ARID1B: variants seen among roughly 807,000 people sequenced by gnomAD.
ARID1B encodes AT-rich interaction domain 1B.
Under a neutral mutation model 212.3 loss-of-function variants are expected in ARID1B, and 30 were observed. That is an observed-to-expected ratio of 0.14 (90% CI 0.11 to 0.19). The LOEUF (loss-of-function observed/expected upper bound fraction) is 0.19, where lower values mean the gene tolerates loss of function less well. ARID1B is among the 10% of genes least tolerant of loss of function. The probability of loss-of-function intolerance (pLI) is 1.00; values close to 1 mark genes in which losing one functional copy is unlikely to be tolerated. For synonymous variants in ARID1B, 1,402 were observed against 1,301.7 expected, an observed-to-expected ratio of 1.08 and a Z score of -1.66; for missense variants, 2,891 against 3,204.0, an observed-to-expected ratio of 0.90 and a Z score of 2.36.
In ARID1B at chr6:157,192,239, T is replaced by C. The variant is rs138182422; in HGVS notation, c.4231+2029T>C. Among the ~76,000 whole-genome samples, 207 of 152,268 alleles carry C rather than the reference T, an allele frequency of 1.4e-3. 2 individuals carry two copies. Among genetic ancestry groups the C allele is most frequent in the African/African-American group, 4.8e-3 (201 of 41,542 alleles). ...TTTTGGTGGCTTTAGACTCTGAAAA[T>C]ATGACAACATGGAAAAAAATAATTA... On this transcript the variant is annotated intron_variant, in intron 15 of 19. Transcript: ENST00000636930.
At chr6:156,779,608 A>G in intron 1 of ARID1B, 137 bp downstream of exon 1, 1 of 931,808 alleles carries the variant, frequency 1.1e-6, no homozygotes, top group Non-Finnish European at 1.3e-6. Flanking sequence ...AGCCATCTTG[A>G]CGGGCGGCCG....
chr6:157,013,826 C>G (rs1779752670), intron 4 of ARID1B, among the ~76,000 whole-genome samples: 1 of 152,158 alleles, frequency 6.6e-6, no homozygotes. Flanking sequence ...AAGCAAGAAT[C>G]AATTAAAGGA....
intron 4 of ARID1B, 164 bp downstream of exon 4, chr6:156,935,740 T>G (rs1582984982): frequency 3.4e-6 from 2 of 582,876 alleles, no homozygotes. Context: ...TTAGGAGCTC[T>G]GTAGTCCTGG....
intron 3 of ARID1B, among the ~76,000 whole-genome samples, chr6:156,911,899 A>G (rs1789920801): frequency 6.6e-6 from 1 of 152,362 alleles, no homozygotes; most frequent in Non-Finnish European, 1.5e-5. Flanking sequence ...AAATGAAAGT[A>G]TAGAAGACCA....
chr6:156,826,707 G>A (rs114214465), intron 1 of ARID1B, among the ~76,000 whole-genome samples: 400 of 152,160 alleles, frequency 2.6e-3, no homozygotes, highest in African/African-American at 9.3e-3. Flanking sequence ...CCTCTGCAGC[G>A]AGACTGTCCT....
intron 8 of ARID1B, among the ~76,000 whole-genome samples, chr6:157,153,671 C>G (rs1790358475): frequency 6.6e-6 from 1 of 152,198 alleles, no homozygotes; most frequent in South Asian, 2.1e-4. Context: ...AAGAGCATAG[C>G]TGTGGATCCC....
chr6:156,918,321 A>G (rs1276375559), intron 3 of ARID1B, among the ~76,000 whole-genome samples: 1 of 152,172 alleles, frequency 6.6e-6, no homozygotes, highest in Non-Finnish European at 1.5e-5. Flanking sequence ...TTATAAGCCA[A>G]TCCTGCAGAT....
At chr6:157,050,311 C>G (rs908909338) in intron 4 of ARID1B, among the ~76,000 whole-genome samples, 1 of 152,046 alleles carries the variant, frequency 6.6e-6, no homozygotes, top group African/African-American at 2.4e-5. Flanking sequence ...TTTGGGAGGC[C>G]GAGGCGGGTG....
chr6:156,889,767 C>T (rs977107955), intron 2 of ARID1B, among the ~76,000 whole-genome samples: 1 of 152,096 alleles, frequency 6.6e-6, no homozygotes, highest in Non-Finnish European at 1.5e-5. Flanking sequence ...GGAAAAGAAT[C>T]AAGGGACAGA....
At chr6:156,872,202 C>T (rs1016403161) in intron 2 of ARID1B, among the ~76,000 whole-genome samples, 1 of 152,170 alleles carries the variant, frequency 6.6e-6, no homozygotes, top group African/African-American at 2.4e-5. Context: ...TGGGATTAGT[C>T]GATGAGATTT....
chr6:156,962,638 AC>A (rs1209376505), intron 4 of ARID1B, among the ~76,000 whole-genome samples: 1 of 151,552 alleles, frequency 6.6e-6, no homozygotes, highest in Non-Finnish European at 1.5e-5. Context: ...AGGCACCACC[AC>A]CCCCGGCTAA....
At chr6:157,002,446 T>C (rs761139868) in intron 4 of ARID1B, among the ~76,000 whole-genome samples, 4 of 152,360 alleles carry the variant, frequency 2.6e-5, no homozygotes, top group South Asian at 2.1e-4. Flanking sequence ...TTTATTCTTA[T>C]ACAAAGTTGA....
chr6:157,174,161 A>C, intron 10 of ARID1B, 44 bp downstream of exon 10: 1 of 1,560,356 alleles, frequency 6.4e-7, no homozygotes, highest in East Asian at 2.2e-5. Context: ...CTGCCTAGCA[A>C]AAAGCTGCCA....
At chr6:157,016,215 A>G (rs1379995210) in intron 4 of ARID1B, among the ~76,000 whole-genome samples, 1 of 152,214 alleles carries the variant, frequency 6.6e-6, no homozygotes, top group East Asian at 1.9e-4. Context: ...AATCACTGAT[A>G]CATTTATATG....
At chr6:156,984,145 G>A (rs763338803) in intron 4 of ARID1B, among the ~76,000 whole-genome samples, 5 of 152,128 alleles carry the variant, frequency 3.3e-5, no homozygotes, top group South Asian at 2.1e-4. Flanking sequence ...GAGGGGATTC[G>A]TTGAGCGTCT....
At chr6:156,801,601 A>G (rs1051224214) in intron 1 of ARID1B, among the ~76,000 whole-genome samples, 13 of 152,140 alleles carry the variant, frequency 8.5e-5, no homozygotes, top group Non-Finnish European at 1.8e-4. Flanking sequence ...TAAACAAGGA[A>G]AGATTTTTTC....
chr6:156,842,028 C>T (rs1227986888), intron 2 of ARID1B, among the ~76,000 whole-genome samples: 2 of 152,132 alleles, frequency 1.3e-5, no homozygotes, highest in African/African-American at 2.4e-5. Context: ...ATTGAATATT[C>T]GTTTCACGTA....
In ARID1B at chr6:156,848,337, T is replaced by C. The variant is rs148439211; in HGVS notation, c.1986+18916T>C. The stretch of plus-strand genomic sequence containing the variant: ...CAACAGCAAACTGTTAGAGTAATTA[T>C]AACAAAAGTCAAGTCTGTAGCCTTA... On this transcript the variant is annotated intron_variant, in intron 2 of 19. Transcript: ENST00000636930. Among the ~76,000 whole-genome samples, 375 of 152,326 alleles carry C rather than the reference T, an allele frequency of 2.5e-3. 2 individuals are homozygous for C. Among genetic ancestry groups the C allele is most frequent in the Non-Finnish European group, 2.4e-3 (162 of 68,026 alleles).
chr6:157,081,272 T>C (rs1446363924), intron 4 of ARID1B, among the ~76,000 whole-genome samples: 1 of 152,238 alleles, frequency 6.6e-6, no homozygotes, highest in Non-Finnish European at 1.5e-5. Context: ...GATCTGATAG[T>C]ACTTATAAAA....
Sources: allele counts gnomAD v4.1 joint callset (sites outside exome capture counted in the v4.1 genomes callset), GRCh38; gene constraint gnomAD v4.1.1; transcripts MANE v1.5; gene names NCBI Gene and HGNC (gene_info 2026-07-23, HGNC 2026-07-21).